The following PRICKLE2 variants were observed in gnomAD, a reference collection of about 807,000 sequenced individuals.
The protein encoded by PRICKLE2 is prickle planar cell polarity protein 2, also known as prickle-like protein 2.
In PRICKLE2, 21 loss-of-function variants were observed where a neutral mutation model predicts 81.4. That is an observed-to-expected ratio of 0.26 (90% CI 0.18 to 0.37). The LOEUF is 0.37. Ranked by LOEUF, PRICKLE2 falls within the 10% of genes least tolerant of loss-of-function variation. The pLI is 1.00. For synonymous variants in PRICKLE2, 456 were observed against 421.5 expected (o/e 1.08, Z -1.00); for missense variants, 940 against 1,109.0 (o/e 0.85, Z 2.16).
intron 7 of PRICKLE2, among the ~76,000 whole-genome samples, chr3:64,117,270 A>G (rs2076949130): frequency 6.6e-6 from 1 of 152,206 alleles, no homozygotes; most frequent in South Asian, 2.1e-4. Context: ...AGCTGGAAGC[A>G]TTCCCTTGAA....
At chr3:64,203,508 C>G (rs1163299858) in intron 1 of PRICKLE2, among the ~76,000 whole-genome samples, 1 of 152,096 alleles carries the variant, frequency 6.6e-6, no homozygotes, top group African/African-American at 2.4e-5. Context: ...AAATATCCAC[C>G]AATTAAACTC....
chr3:64,154,695 A>C (rs1477182369), intron 5 of PRICKLE2: 3 of 152,228 alleles, frequency 2.0e-5, no homozygotes, highest in African/African-American at 7.2e-5. Flanking sequence ...AACAACAAAA[A>C]ATAACGTAGA....
intron 7 of PRICKLE2, among the ~76,000 whole-genome samples, chr3:64,129,575 G>A (rs921800269): frequency 3.3e-5 from 5 of 152,060 alleles, no homozygotes; most frequent in Admixed American, 6.5e-5. Context: ...GAGAAACACC[G>A]GTCTGAACCA....
intron 2 of PRICKLE2, among the ~76,000 whole-genome samples, chr3:64,172,699 T>C (rs1273531472): frequency 6.6e-6 from 1 of 152,226 alleles, no homozygotes; most frequent in Non-Finnish European, 1.5e-5. Context: ...CAGAATTGTG[T>C]ACCCCCTGTG....
In PRICKLE2 at chr3:64,157,130, G is replaced by A; in HGVS notation, c.600+32C>T. Reference sequence around the variant, plus strand: ...GGCTATGGTGCAATGAAGGGGTGATGGGCAGGTAAACCTGCTGGAGTTTGC... The same window carrying A: ...GGCTATGGTGCAATGAAGGGGTGATAGGCAGGTAAACCTGCTGGAGTTTGC... On this transcript the variant is annotated intron_variant, in intron 5 of 7. Coordinates refer to ENST00000638394, the MANE Select transcript of PRICKLE2 (RefSeq NM_198859.4). The A allele has an allele frequency of 3.1e-6, 5 of 1,593,552 alleles. No individual in the cohort carries two copies. In the Middle Eastern group the frequency reaches 8.6e-4, roughly 273 times the overall value.
rs531815592 is a variant in PRICKLE2 at position 64,151,137 on chromosome 3, T to C, written c.787+2045A>G. Among the ~76,000 whole-genome samples the C allele has an allele frequency of 5.6e-4, 86 of 152,344 alleles. 1 individual carries two copies. The highest frequency in any genetic ancestry group is 3.7e-3 in the Admixed American group (56 of 15,306). ...ACGCAGGGCCTGCTCTGAGCGGCTG[T>C]ATAAATATGGAATATTTGTACAGTA... is the stretch of plus-strand genomic sequence containing the variant. On this transcript the variant is annotated intron_variant, in intron 6 of 7. Coordinates refer to ENST00000638394, the MANE Select transcript of PRICKLE2 (RefSeq NM_198859.4).
rs765912174 is a variant in PRICKLE2, at chr3:64,147,610, C to T, written c.880G>A (p.Gly294Arg). The T allele has an allele frequency of 8.1e-6, 13 of 1,614,056 alleles. No individual in the cohort carries two copies. In the Admixed American group the frequency reaches 1.8e-4, roughly 23 times the overall value. Residue 294 changes from glycine to arginine, a missense_variant, in exon 7 of 8, where the codon GGG becomes AGG. Gly to Arg is a moderately radical substitution (Grantham distance 125, BLOSUM62 -2). This residue lies in a region of PRICKLE2 where 270 missense variants were observed against 391.8 expected (regional missense o/e 0.69). Coordinates refer to ENST00000638394, the MANE Select transcript of PRICKLE2 (RefSeq NM_198859.4). The surrounding 1 kb of genome is among the most constrained non-coding windows in gnomAD (Gnocchi z 5.0). ...CCAHCKKSLL[G>R]RPFLPKQGQI... ...CCCTGCTTCGGGAGGAATGGCCGCCCCAGGAGGGATTTCTTGCAGTGAGCA... is the reference window on the plus strand; with the variant it reads ...CCCTGCTTCGGGAGGAATGGCCGCCTCAGGAGGGATTTCTTGCAGTGAGCA...
chr3:64,192,047 T>C (rs1212291493), intron 2 of PRICKLE2, among the ~76,000 whole-genome samples: 1 of 152,244 alleles, frequency 6.6e-6, no homozygotes, highest in African/African-American at 2.4e-5. Flanking sequence ...AAGCAAACTC[T>C]GAAGCAATTG....
upstream of PRICKLE2, among the ~76,000 whole-genome samples, chr3:64,225,807 G>A (rs1443080896): frequency 2.0e-5 from 3 of 152,000 alleles, no homozygotes; most frequent in African/African-American, 7.2e-5. Context: ...CAGATTATAT[G>A]CTGCACCAAC....
chr3:64,217,618 G>T (rs988770611), intron 1 of PRICKLE2, among the ~76,000 whole-genome samples: 1 of 152,162 alleles, frequency 6.6e-6, no homozygotes, highest in African/African-American at 2.4e-5. Flanking sequence ...AACTTCCAGG[G>T]GGTATCCAAG....
intron 2 of PRICKLE2, among the ~76,000 whole-genome samples, chr3:64,238,485 C>CAAAA (rs11291908): frequency 1.9e-5 from 2 of 104,504 alleles, no homozygotes; most frequent in Admixed American, 9.4e-5. Context: ...GACTCCGTCT[C>CAAAA]AAAAAAAAAA....
chr3:64,220,180 T>A (rs1393872864), intron 1 of PRICKLE2, among the ~76,000 whole-genome samples: 2 of 152,182 alleles, frequency 1.3e-5, no homozygotes, highest in Admixed American at 6.5e-5. Flanking sequence ...TGAGCAGGCA[T>A]CTCTAAGGAC....
intron 1 of PRICKLE2, among the ~76,000 whole-genome samples, chr3:64,216,396 C>G (rs753969452): frequency 1.3e-5 from 2 of 152,182 alleles, no homozygotes; most frequent in Non-Finnish European, 1.5e-5. Flanking sequence ...CTAAAAACAT[C>G]TGGTTTGGAA....
intron 2 of PRICKLE2, among the ~76,000 whole-genome samples, chr3:64,262,631 A>C (rs1382794188): frequency 1.3e-5 from 2 of 152,038 alleles, no homozygotes; most frequent in East Asian, 3.9e-4. Context: ...ACCTAAAAAA[A>C]AAAATTAGAA....
At position 64,147,105 on chromosome 3, in the gene PRICKLE2, C is replaced by T; in HGVS notation, c.1385G>A (p.Gly462Asp). Reference protein sequence around the residue: ...SSSLAMTGHAGSFIKECREDY... With the variant: ...SSSLAMTGHADSFIKECREDY... ...TTCTCGGCATTCCTTGATGAAGCTG[C>T]CAGCATGTCCTGTCATGGCCAGTGA... is the stretch of plus-strand genomic sequence containing the variant. Residue 462 changes from glycine to aspartate, a missense_variant, in exon 7 of 8, where the codon GGC becomes GAC. Transcript: ENST00000638394. The surrounding 1 kb of genome is among the most constrained non-coding windows in gnomAD (Gnocchi z 5.0). 1 of 1,614,166 alleles carries T rather than the reference C, an allele frequency of 6.2e-7. No individual in the cohort carries two copies. The highest frequency in any genetic ancestry group is 8.5e-7 in the Non-Finnish European group (1 of 1,180,034).
intron 2 of PRICKLE2, among the ~76,000 whole-genome samples, chr3:64,190,802 G>C (rs1451439037): frequency 6.6e-6 from 1 of 152,188 alleles, no homozygotes; most frequent in East Asian, 1.9e-4. Context: ...GAGATGTGTA[G>C]AATATTCTTT....
intron 2 of PRICKLE2, among the ~76,000 whole-genome samples, chr3:64,233,066 A>G (rs994844986): frequency 1.3e-5 from 2 of 152,220 alleles, no homozygotes; most frequent in Non-Finnish European, 2.9e-5. Flanking sequence ...CAGCCTGCAA[A>G]GCCTAATACA....
chr3:64,100,006 T>A, intron 7 of PRICKLE2, 81 bp from the exon 8 acceptor site: 1 of 1,466,868 alleles, frequency 6.8e-7, no homozygotes, highest in Non-Finnish European at 9.5e-7. Flanking sequence ...GTCATCTATC[T>A]AGGGTCATTA....
chr3:64,260,220 G>A (rs558375397), intron 2 of PRICKLE2, among the ~76,000 whole-genome samples: 2 of 152,232 alleles, frequency 1.3e-5, no homozygotes, highest in Admixed American at 1.3e-4. Flanking sequence ...ACATTCTCAG[G>A]AAGTGCTGCA....
Sources: gnomAD v4.1 joint callset for allele counts (sites outside exome capture counted in the v4.1 genomes callset) on GRCh38, gnomAD v4.1.1 for gene constraint, gnomAD v4.1.1 regional missense constraint, Gnocchi (gnomAD v3.1) non-coding constraint, MANE v1.5 for transcripts, NCBI Gene and HGNC (gene_info 2026-07-23, HGNC 2026-07-21) for gene names.